Variants in TRPM6 observed in about 807,000 individuals in gnomAD.
TRPM6 encodes transient receptor potential cation channel subfamily M member 6.
A neutral mutation model predicts 247.6 loss-of-function variants in TRPM6; 111 were observed. The ratio of observed to expected loss-of-function variants is 0.45; its 90% CI spans 0.38 to 0.52. The LOEUF is 0.52. TRPM6 is among the 20% of genes least tolerant of loss of function. The pLI is 0.00. For synonymous variants in TRPM6, 892 were observed against 853.8 expected (o/e 1.04, Z -0.78); for missense variants, 2,126 against 2,421.5 (o/e 0.88, Z 2.56).
rs551635031 is a variant in TRPM6 at position 74,755,995 on chromosome 9, T to C, written c.4786-522A>G. Among the ~76,000 whole-genome samples, 7 of 152,316 alleles carry C rather than the reference T, an allele frequency of 4.6e-5. No homozygotes were observed. In the South Asian group the frequency reaches 1.2e-3, roughly 27 times the overall value. ...CCCTTTTCCTTCATTACTAAAATAA[T>C]AGATAGCCAATAATATGACCGTCCT... On this transcript the variant is annotated intron_variant, in intron 27 of 38. Coordinates refer to ENST00000360774, the MANE Select transcript of TRPM6 (RefSeq NM_017662.5).
chr9:74,838,560 C>T (rs1383167884), intron 5 of TRPM6, among the ~76,000 whole-genome samples: 2 of 152,208 alleles, frequency 1.3e-5, no homozygotes, highest in African/African-American at 2.4e-5. Context: ...CTCTAGTACA[C>T]AACCAGAAGG....
chr9:74,822,335 G>T (rs1587544388), intron 7 of TRPM6, among the ~76,000 whole-genome samples: 2 of 151,974 alleles, frequency 1.3e-5, no homozygotes, highest in African/African-American at 4.8e-5. Context: ...CTGCAGCCTC[G>T]ACTTACCAGG....
Position 74,724,113 on chromosome 9 carries a change from T to C in TRPM6, c.*500A>G, listed in dbSNP as rs982291565. The C allele has an allele frequency of 7.5e-5, 13 of 174,220 alleles. No individual in the cohort carries two copies. Among genetic ancestry groups the C allele is most frequent in the Admixed American group, 1.1e-4 (2 of 18,224 alleles). The allele number at this position is 174,220 out of a possible 1,614,324, so 10.8% of individuals were successfully genotyped here. On this transcript the variant is annotated 3_prime_UTR_variant, in exon 39 of 39. Coordinates refer to ENST00000360774, the MANE Select transcript of TRPM6 (RefSeq NM_017662.5). The stretch of plus-strand genomic sequence containing the variant: ...CTTGTTCCATTGTTTTTCCTATCAT[T>C]GCTATTCAAAGTCCTATGTTGTGGA...
At position 74,739,433 on chromosome 9, in the gene TRPM6, C is replaced by A. The variant is rs1825790935; in HGVS notation, c.5504G>T (p.Arg1835Ile). Residue 1835 changes from arginine (R) to isoleucine (I), a missense_variant, in exon 35 of 39, where the codon AGA (arginine) becomes ATA (isoleucine). Physicochemically the swap from Arg to Ile is moderately conservative, Grantham distance 97. Coordinates refer to ENST00000360774, the MANE Select transcript of TRPM6 (RefSeq NM_017662.5). Reference protein sequence around the residue: ...HLCLREIQQQRAAQKLIYTFN... With the variant: ...HLCLREIQQQIAAQKLIYTFN... Reference sequence around the variant, plus strand: ...GGTATAGATCAATTTTTGAGCAGCTCTTTGTTGTTGAATTTCCTACAAAAT... The same window carrying A: ...GGTATAGATCAATTTTTGAGCAGCTATTTGTTGTTGAATTTCCTACAAAAT... 6.2e-7 allele frequency: 1 copy of A among 1,614,064 alleles called. No individual in the cohort carries two copies. The highest frequency in any genetic ancestry group is 8.5e-7 in the Non-Finnish European group (1 of 1,179,990).
chr9:74,834,218 C>T (rs1029688250), intron 5 of TRPM6, 96 bp from the exon 6 acceptor site: 2 of 1,456,756 alleles, frequency 1.4e-6, no homozygotes, highest in African/African-American at 2.8e-5. Context: ...CAAGCATATG[C>T]AAGGGCTATT....
At chr9:74,740,108 A>G (rs951348642) in intron 33 of TRPM6, 99 bp from the exon 34 acceptor site, 3 of 1,360,396 alleles carry the variant, frequency 2.2e-6, no homozygotes, top group African/African-American at 2.9e-5. Context: ...CAGTTACCCA[A>G]ATGACCAGAG....
intron 16 of TRPM6, 84 bp downstream of exon 16, chr9:74,801,814 A>G (rs1314476242): frequency 6.5e-7 from 1 of 1,538,334 alleles, no homozygotes; most frequent in Admixed American, 1.7e-5. Context: ...TTTGTCCTAC[A>G]AGTTTAAAGA....
chr9:74,868,146 CAA>C (rs796635861), intron 1 of TRPM6, among the ~76,000 whole-genome samples: 1 of 85,842 alleles, frequency 1.2e-5, no homozygotes, highest in Admixed American at 1.2e-4. Context: ...CGAGACTCCG[CAA>C]AAAAAAAAAA....
intron 9 of TRPM6, among the ~76,000 whole-genome samples, chr9:74,820,053 G>T (rs1185489795): frequency 6.6e-6 from 1 of 151,842 alleles, no homozygotes; most frequent in Admixed American, 6.6e-5. Flanking sequence ...GGATGTGCAG[G>T]TTTGTTACAC....
chr9:74,887,843 G>T lies in TRPM6; in HGVS notation c.14C>A (p.Pro5His). 6.2e-7 allele frequency: 1 copy of T among 1,614,154 alleles called. No homozygotes were observed. The highest frequency in any genetic ancestry group is 8.5e-7 in the Non-Finnish European group (1 of 1,180,024). Residue 5 changes from proline (P) to histidine (H), a missense_variant, in exon 1 of 39, where the codon CCT (proline) becomes CAT (histidine). Physicochemically the swap from Pro to His is moderately conservative, Grantham distance 77. Around this residue, in one of 3 missense-constraint regions of TRPM6, gnomAD observed 1,082 missense variants for 1,307.9 expected, o/e 0.83. Coordinates refer to ENST00000360774, the MANE Select transcript of TRPM6 (RefSeq NM_017662.5). Reference sequence around the variant, plus strand: ...GCTTACCTGCAAGCGCTCCAAGACAGGTTGTTCTTTCATCTTTGATTTGCA... The same window carrying T: ...GCTTACCTGCAAGCGCTCCAAGACATGTTGTTCTTTCATCTTTGATTTGCA... MKEQ[P>H]VLERLQSQKS...
At chr9:74,831,256 C>G (rs1429832047) in intron 6 of TRPM6, among the ~76,000 whole-genome samples, 3 of 152,042 alleles carry the variant, frequency 2.0e-5, no homozygotes, top group Admixed American at 1.3e-4. Flanking sequence ...CTTTGGGAGG[C>G]CGAAGTGGGT....
intron 30 of TRPM6, among the ~76,000 whole-genome samples, chr9:74,750,093 A>G (rs1826189404): frequency 1.3e-5 from 2 of 152,202 alleles, no homozygotes; most frequent in Non-Finnish European, 2.9e-5. Flanking sequence ...TTCCAGGAAG[A>G]CACTCAAGTG....
chr9:74,811,176 G>A (rs774557437), intron 12 of TRPM6, among the ~76,000 whole-genome samples: 11 of 151,994 alleles, frequency 7.2e-5, no homozygotes, highest in Non-Finnish European at 1.3e-4. Flanking sequence ...CCTATCACAC[G>A]AGCACATTCC....
At chr9:74,768,741 A>G (rs1319758842) in intron 25 of TRPM6, among the ~76,000 whole-genome samples, 1 of 152,196 alleles carries the variant, frequency 6.6e-6, no homozygotes, top group Non-Finnish European at 1.5e-5. Context: ...ACATCAGTGC[A>G]CTGCACTATT....
In TRPM6 at chr9:74,739,348, G is replaced by A. The variant is rs1338415892; in HGVS notation, c.5570+19C>T. 2 of 1,609,678 alleles carry A rather than the reference G, an allele frequency of 1.2e-6. No individual in the cohort carries two copies. Among genetic ancestry groups the A allele is most frequent in the African/African-American group, 1.3e-5 (1 of 74,802 alleles). On this transcript the variant is annotated intron_variant, in intron 35 of 38. Coordinates refer to ENST00000360774, the MANE Select transcript of TRPM6 (RefSeq NM_017662.5). ...ATTCCTACTTGAAACAAAGGGCCAAGGTGCCAAGATTTTCTTACCTTGGTG... is the reference window on the plus strand; with the variant it reads ...ATTCCTACTTGAAACAAAGGGCCAAAGTGCCAAGATTTTCTTACCTTGGTG...
intron 24 of TRPM6, among the ~76,000 whole-genome samples, chr9:74,775,014 T>A (rs1049228978): frequency 2.6e-5 from 4 of 152,198 alleles, no homozygotes; most frequent in African/African-American, 9.6e-5. Flanking sequence ...TATCTAGAAA[T>A]GGGCCTGGTA....
chr9:74,850,785 G>A lies in TRPM6; in HGVS notation c.152+4742C>T, dbSNP rs114327234. ...AGAATATTGGGGTTCCATATGGAAA[G>A]GTTCTTAATGTAAAGGGAGGCACAG... On this transcript the variant is annotated intron_variant, in intron 3 of 38. Coordinates refer to ENST00000360774, the MANE Select transcript of TRPM6 (RefSeq NM_017662.5). Among the ~76,000 whole-genome samples the A allele has an allele frequency of 2.2e-3, 329 of 152,178 alleles. 6 individuals are homozygous for A. The highest frequency in any genetic ancestry group is 7.5e-3 in the African/African-American group (313 of 41,526).
intron 1 of TRPM6, among the ~76,000 whole-genome samples, chr9:74,876,081 T>C (rs1831184014): frequency 1.3e-5 from 2 of 152,150 alleles, no homozygotes. Flanking sequence ...GGTAACAATT[T>C]ATTTATTTAC....
chr9:74,854,825 C>T (rs575671161), intron 3 of TRPM6, among the ~76,000 whole-genome samples: 63 of 152,026 alleles, frequency 4.1e-4, no homozygotes, highest in Non-Finnish European at 6.2e-4. Context: ...CAACAAGTCC[C>T]GCTACAATTT....
Sources: allele counts gnomAD v4.1 joint callset (sites outside exome capture counted in the v4.1 genomes callset), GRCh38; gene constraint gnomAD v4.1.1; regional missense constraint gnomAD v4.1.1; transcripts MANE v1.5; gene names NCBI Gene and HGNC (gene_info 2026-07-23, HGNC 2026-07-21).